STXBP5L: variants seen among roughly 807,000 people sequenced by gnomAD.
STXBP5L encodes syntaxin binding protein 5L.
A neutral mutation model predicts 144.5 loss-of-function variants in STXBP5L; 65 were observed. That is an observed-to-expected ratio of 0.45 (90% CI 0.37 to 0.55). The LOEUF (loss-of-function observed/expected upper bound fraction) is 0.55. STXBP5L is among the 20% of genes least tolerant of loss of function. The pLI is 0.00. For missense variants in STXBP5L, 1,298 were observed against 1,405.5 expected, an observed-to-expected ratio of 0.92 and a Z score of 1.22; for synonymous variants, 505 against 469.6, an observed-to-expected ratio of 1.08 and a Z score of -0.97.
In STXBP5L at chr3:121,187,600, T is replaced by TTA. The variant is rs1553730107; in HGVS notation, c.878-18323_878-18322insTA. On this transcript the variant is annotated intron_variant, in intron 9 of 26. Transcript: ENST00000471454. ...AAATAGAAAAAAGAACCATGAATGA[T>TTA]AAAAAAAAAAGAAAAAAAATAAACT... 3.2e-4 allele frequency among the ~76,000 whole-genome samples: 47 copies of TTA among 146,286 alleles called. 1 individual carries two copies. In the East Asian group the frequency reaches 8.4e-3, roughly 26 times the overall value.
chr3:121,089,610 G>A (rs189653282), intron 5 of STXBP5L, among the ~76,000 whole-genome samples: 4 of 151,630 alleles, frequency 2.6e-5, no homozygotes, highest in East Asian at 3.9e-4. Context: ...GGTTTATTCC[G>A]TTTAGTTTTG....
intron 5 of STXBP5L, among the ~76,000 whole-genome samples, chr3:121,094,568 T>C (rs2043011816): frequency 6.6e-6 from 1 of 152,124 alleles, no homozygotes; most frequent in African/African-American, 2.4e-5. Flanking sequence ...GTTTAAAGTC[T>C]GTTTTATCAG....
intron 5 of STXBP5L, among the ~76,000 whole-genome samples, chr3:121,086,571 A>T (rs1339595684): frequency 6.6e-6 from 1 of 152,090 alleles, no homozygotes. Context: ...TAGGCTATAC[A>T]AGTTGTGCAT....
intron 12 of STXBP5L, among the ~76,000 whole-genome samples, chr3:121,236,454 C>T (rs746991850): frequency 1.2e-4 from 19 of 152,174 alleles, no homozygotes; most frequent in Non-Finnish European, 2.4e-4. Context: ...GCTGTTTCTA[C>T]TCATCTCAGA....
chr3:121,116,904 A>C (rs539832450), intron 6 of STXBP5L, among the ~76,000 whole-genome samples: 9 of 152,124 alleles, frequency 5.9e-5, no homozygotes, highest in African/African-American at 1.9e-4. Flanking sequence ...TTTTAAATAA[A>C]TTCAATATTA....
intron 3 of STXBP5L, among the ~76,000 whole-genome samples, chr3:121,036,178 C>T (rs964864934): frequency 1.3e-5 from 2 of 152,060 alleles, no homozygotes; most frequent in East Asian, 3.9e-4. Flanking sequence ...ACTAAAACTG[C>T]AAAGATTAGC....
intron 2 of STXBP5L, among the ~76,000 whole-genome samples, chr3:120,946,734 A>G (rs545171102): frequency 6.6e-6 from 1 of 151,854 alleles, no homozygotes; most frequent in South Asian, 2.1e-4. Flanking sequence ...TGTGTTCCCA[A>G]TTATACTAAG....
intron 10 of STXBP5L, among the ~76,000 whole-genome samples, chr3:121,208,982 T>C (rs959550416): frequency 7.2e-5 from 11 of 152,148 alleles, no homozygotes; most frequent in African/African-American, 2.4e-4. Flanking sequence ...TGTATTCTCA[T>C]TGTTCGATTC....
intron 5 of STXBP5L, among the ~76,000 whole-genome samples, chr3:121,076,988 G>A (rs982767814): frequency 1.3e-5 from 2 of 152,104 alleles, no homozygotes; most frequent in Non-Finnish European, 2.9e-5. Flanking sequence ...CCTAGGTCTG[G>A]TTTTTCCCAT....
intron 9 of STXBP5L, among the ~76,000 whole-genome samples, chr3:121,183,847 T>C (rs1459581228): frequency 6.6e-6 from 1 of 152,054 alleles, no homozygotes; most frequent in South Asian, 2.1e-4. Context: ...CCCACTAAGA[T>C]GAAGCTTCCA....
intron 20 of STXBP5L, among the ~76,000 whole-genome samples, chr3:121,346,050 C>T (rs1427428856): frequency 1.3e-5 from 2 of 151,784 alleles, no homozygotes; most frequent in East Asian, 3.9e-4. Context: ...GTGTGCTGCA[C>T]CCACTAACTC....
intron 20 of STXBP5L, chr3:121,357,605 A>C (rs907070959): frequency 6.6e-6 from 1 of 152,258 alleles, no homozygotes; most frequent in East Asian, 1.9e-4. Flanking sequence ...TATGATAGCA[A>C]CATGTTCTTT....
intron 19 of STXBP5L, among the ~76,000 whole-genome samples, chr3:121,303,323 A>G (rs1230774254): frequency 1.3e-5 from 2 of 151,790 alleles, no homozygotes; most frequent in Non-Finnish European, 2.9e-5. Context: ...CAAAACCACA[A>G]TGAGATACCA....
At chr3:120,960,269 G>A (rs1182157737) in intron 3 of STXBP5L, among the ~76,000 whole-genome samples, 1 of 152,198 alleles carries the variant, frequency 6.6e-6, no homozygotes, top group African/African-American at 2.4e-5. Flanking sequence ...ACAGGTGCTG[G>A]AGAGGATGTG....
At chr3:121,054,148 G>A (rs575018149) in intron 5 of STXBP5L, among the ~76,000 whole-genome samples, 8 of 152,198 alleles carry the variant, frequency 5.3e-5, no homozygotes, top group Non-Finnish European at 4.4e-5. Context: ...TGGTGGGACT[G>A]TAATCTAGTT....
intron 3 of STXBP5L, among the ~76,000 whole-genome samples, chr3:121,011,166 T>C (rs984171469): frequency 6.6e-6 from 1 of 150,950 alleles, no homozygotes; most frequent in African/African-American, 2.4e-5. Flanking sequence ...TTTTTAAGCC[T>C]TGAAACTATC....
chr3:121,069,532 T>A (rs1285543206), intron 5 of STXBP5L, among the ~76,000 whole-genome samples: 1 of 152,186 alleles, frequency 6.6e-6, no homozygotes, highest in Non-Finnish European at 1.5e-5. Context: ...CCGGGTTGTA[T>A]GACATTTGTT....
At chr3:121,171,379 ATAAAGGG>A (rs2046710774) in intron 9 of STXBP5L, among the ~76,000 whole-genome samples, 1 of 152,202 alleles carries the variant, frequency 6.6e-6, no homozygotes, top group African/African-American at 2.4e-5. Context: ...AGAGAAAGAA[ATAAAGGG>A]TATTCAAATA....
chr3:121,299,579 T>A, intron 19 of STXBP5L, among the ~76,000 whole-genome samples: 1 of 152,128 alleles, frequency 6.6e-6, no homozygotes, highest in South Asian at 2.1e-4. Flanking sequence ...AGTTAAAAAA[T>A]AATAATAATA....
Sources: allele counts gnomAD v4.1 joint callset (sites outside exome capture counted in the v4.1 genomes callset), GRCh38; gene constraint gnomAD v4.1.1; transcripts MANE v1.5; gene names NCBI Gene and HGNC (gene_info 2026-07-23, HGNC 2026-07-21).